Variants in MORC3 observed in about 807,000 individuals in gnomAD.
MORC3 encodes the protein MORC family CW-type zinc finger protein 3.
In MORC3, 31 loss-of-function variants were observed where a neutral mutation model predicts 109.1. That is an observed-to-expected ratio of 0.28 (90% CI 0.21 to 0.38). The LOEUF (loss-of-function observed/expected upper bound fraction) is 0.38. MORC3 is among the 10% of genes least tolerant of loss of function. The pLI, the probability that MORC3 is intolerant of heterozygous loss-of-function variation, is 1.00. For synonymous variants in MORC3, 395 were observed against 380.7 expected, an observed-to-expected ratio of 1.04 and a Z score of -0.44; for missense variants, 867 against 1,135.8, an observed-to-expected ratio of 0.76 and a Z score of 3.40.
In MORC3 at chr21:36,372,451, A is replaced by C. The variant is rs1229009922; in HGVS notation, c.2586A>C (p.Lys862Asn). The C allele has an allele frequency of 1.9e-6, 3 of 1,608,154 alleles. No homozygotes were observed. In the Admixed American group the frequency reaches 5.2e-5, roughly 28 times the overall value. Residue 862 changes from lysine to asparagine, a missense_variant, in exon 16 of 17, where the codon AAA (lysine) becomes AAC (asparagine). Physicochemically the swap from Lys to Asn is moderately conservative, Grantham distance 94 (BLOSUM62 0). Coordinates refer to ENST00000400485, the MANE Select transcript of MORC3 (RefSeq NM_015358.3). ...TCAAAACTGAAGTAGAACAGTTAAA[A>C]TCTACAAATCAACAGACGGCAACAG... ...EELKTEVEQL[K>N]STNQQTATDV...
chr21:36,323,144 G>A (rs926688658), intron 1 of MORC3, among the ~76,000 whole-genome samples: 8 of 152,152 alleles, frequency 5.3e-5, no homozygotes, highest in Admixed American at 5.2e-4. Context: ...GGAGTCATCG[G>A]CTCAGTCGTA....
At chr21:36,329,724 A>C (rs1036006588) in intron 1 of MORC3, among the ~76,000 whole-genome samples, 8 of 152,236 alleles carry the variant, frequency 5.3e-5, no homozygotes, top group Admixed American at 3.9e-4. Context: ...TCACATAACA[A>C]GGAAAGAAAT....
chr21:36,337,764 G>C lies in MORC3; in HGVS notation c.278G>C (p.Gly93Ala). The C allele has an allele frequency of 6.2e-7, 1 of 1,613,624 alleles. No homozygotes were observed. The highest frequency in any genetic ancestry group is 8.5e-7 in the Non-Finnish European group (1 of 1,179,838). Residue 93 changes from glycine (G) to alanine (A), a missense_variant, in exon 4 of 17, where the codon GGT becomes GCT. Physicochemically the swap from Gly to Ala is moderately conservative, Grantham distance 60 (BLOSUM62 0). This residue lies in a region of MORC3 where 53 missense variants were observed against 130.3 expected (regional missense o/e 0.41). Transcript: ENST00000400485. ...TTCAGTGACAAAGTCACCATGAATGGTCATGTCCCAGTTGGATTATATGGG... is the reference window on the plus strand; with the variant it reads ...TTCAGTGACAAAGTCACCATGAATGCTCATGTCCCAGTTGGATTATATGGG... ...FGFSDKVTMN[G>A]HVPVGLYGNG...
chr21:36,340,861 TTCTG>T (rs1444047637), intron 5 of MORC3, among the ~76,000 whole-genome samples: 1 of 152,174 alleles, frequency 6.6e-6, no homozygotes, highest in Non-Finnish European at 1.5e-5. Context: ...GGTCTTGAAC[TTCTG>T]ACCTCAGGTG....
intron 9 of MORC3, among the ~76,000 whole-genome samples, 153 bp from the exon 10 acceptor site, chr21:36,356,467 G>GT (rs2085646316): frequency 6.6e-6 from 1 of 151,928 alleles, no homozygotes; most frequent in African/African-American, 2.4e-5. Context: ...TCAAACCTGT[G>GT]TTGTTCAAGG....
chr21:36,364,663 A>G (rs2085758294), intron 14 of MORC3, among the ~76,000 whole-genome samples: 1 of 151,846 alleles, frequency 6.6e-6, no homozygotes, highest in South Asian at 2.1e-4. Flanking sequence ...AAAAAGCATT[A>G]ATTGTATTCA....
chr21:36,367,496 T>C (rs897472282), intron 14 of MORC3, among the ~76,000 whole-genome samples: 4 of 152,132 alleles, frequency 2.6e-5, no homozygotes, highest in Admixed American at 1.3e-4. Context: ...AAATAAATCA[T>C]TTAGAATGAA....
chr21:36,349,538 G>T, intron 9 of MORC3, 130 bp downstream of exon 9: 1 of 522,300 alleles, frequency 1.9e-6, no homozygotes, highest in Non-Finnish European at 3.2e-6. Context: ...TATACTACTT[G>T]TGATGGTGTA....
chr21:36,329,451 T>C (rs991416068), intron 1 of MORC3, among the ~76,000 whole-genome samples: 2 of 152,176 alleles, frequency 1.3e-5, no homozygotes, highest in African/African-American at 4.8e-5. Context: ...TATAGCACAT[T>C]ATCAAACATG....
chr21:36,333,992 T>A (rs1026687054), intron 2 of MORC3, among the ~76,000 whole-genome samples: 1 of 151,978 alleles, frequency 6.6e-6, no homozygotes, highest in African/African-American at 2.4e-5. Context: ...TTTCACTGTG[T>A]TAGCCAGGAT....
In MORC3 at chr21:36,372,457, A is replaced by C; in HGVS notation, c.2592A>C (p.Thr864=). 6.2e-7 allele frequency: 1 copy of C among 1,609,732 alleles called. No individual in the cohort carries two copies. The highest frequency in any genetic ancestry group is 8.5e-7 in the Non-Finnish European group (1 of 1,179,290). The change falls in exon 16 of 17, where the codon ACA becomes ACC. Residue 864 remains threonine, a synonymous_variant. Transcript: ENST00000400485. ...CTGAAGTAGAACAGTTAAAATCTAC[A>C]AATCAACAGACGGCAACAGATGTTT... ...LKTEVEQLKS[T]NQQTATDVST... is the part of the protein sequence containing the mutation.
rs1000704596 is a variant in MORC3 at position 36,327,807 on chromosome 21, C to T, written c.40-5839C>T. ...GTGACTGAAATTTTAGCATGGGTGA[C>T]TCCATTTTGATTTTTAGTCTGTTTT... On this transcript the variant is annotated intron_variant, in intron 1 of 16. Coordinates refer to ENST00000400485, the MANE Select transcript of MORC3 (RefSeq NM_015358.3). Among the ~76,000 whole-genome samples, 3 of 145,410 alleles carry T rather than the reference C, an allele frequency of 2.1e-5. 1 individual carries two copies. Among genetic ancestry groups the T allele is most frequent in the African/African-American group, 8.5e-5 (3 of 35,224 alleles).
At chr21:36,344,838 C>G (rs765651639) in intron 7 of MORC3, 74 bp from the exon 8 acceptor site, 576 of 1,600,880 alleles carry the variant, frequency 3.6e-4, no homozygotes, top group Non-Finnish European at 4.6e-4. Flanking sequence ...TTTGGACTTA[C>G]CAAATAATGA....
At chr21:36,344,022 A>G (rs2085481183) in intron 6 of MORC3, among the ~76,000 whole-genome samples, 1 of 152,208 alleles carries the variant, frequency 6.6e-6, no homozygotes, top group African/African-American at 2.4e-5. Flanking sequence ...GTATGGTTTT[A>G]GTACACTACA....
intron 1 of MORC3, among the ~76,000 whole-genome samples, chr21:36,330,233 G>T (rs1291826663): frequency 6.6e-6 from 1 of 151,770 alleles, no homozygotes; most frequent in Non-Finnish European, 1.5e-5. Context: ...TAAGAGTCAG[G>T]CACCCTTTTC....
At chr21:36,325,236 G>GA (rs1371452904) in intron 1 of MORC3, among the ~76,000 whole-genome samples, 1 of 152,130 alleles carries the variant, frequency 6.6e-6, no homozygotes, top group Non-Finnish European at 1.5e-5. Context: ...TAAAAAACGA[G>GA]AACAACAAAA....
intron 10 of MORC3, 94 bp downstream of exon 10, chr21:36,356,818 CTG>C (rs2146324373): frequency 1.4e-6 from 1 of 715,692 alleles, no homozygotes. Context: ...AAACTTAGGA[CTG>C]TAACTCATAG....
At chr21:36,354,511 G>T (rs551183358) in intron 9 of MORC3, among the ~76,000 whole-genome samples, 8,704 of 151,762 alleles carry the variant, frequency 0.057, 785 homozygotes, top group African/African-American at 0.2. Flanking sequence ...CCCCATATTG[G>T]CCAGGCTGGT....
chr21:36,322,327 A>G (rs2085202949), intron 1 of MORC3, among the ~76,000 whole-genome samples: 1 of 148,502 alleles, frequency 6.7e-6, no homozygotes, highest in South Asian at 2.1e-4. Flanking sequence ...CAAAAGTCCT[A>G]CATTTTAAGG....
Sources: allele counts gnomAD v4.1 joint callset (sites outside exome capture counted in the v4.1 genomes callset), GRCh38; gene constraint gnomAD v4.1.1; regional missense constraint gnomAD v4.1.1; transcripts MANE v1.5; gene names NCBI Gene and HGNC (gene_info 2026-07-23, HGNC 2026-07-21).